ZC3H12D: variants seen among roughly 807,000 people sequenced by gnomAD.
The protein encoded by ZC3H12D is zinc finger CCCH-type containing 12D, also known as probable ribonuclease ZC3H12D.
A neutral mutation model predicts 24.2 loss-of-function variants in ZC3H12D; 11 were observed. That is an observed-to-expected ratio of 0.46 (90% CI 0.29 to 0.75). ZC3H12D has a LOEUF of 0.75. Ranked by LOEUF, ZC3H12D falls within the 30% of genes least tolerant of loss-of-function variation. The pLI, the probability that ZC3H12D is intolerant of heterozygous loss-of-function variation, is 0.11. For synonymous variants in ZC3H12D, 333 were observed against 341.8 expected, an observed-to-expected ratio of 0.97 and a Z score of 0.28; for missense variants, 740 against 767.7, an observed-to-expected ratio of 0.96 and a Z score of 0.43.
Position 149,461,918 on chromosome 6 carries a change from A to G in ZC3H12D, c.358T>C (p.Trp120Arg). Residue 120 changes from tryptophan to arginine, a missense_variant, in exon 3 of 6, where the codon TGG becomes CGG. Coordinates refer to ENST00000409806, the MANE Select transcript of ZC3H12D (RefSeq NM_207360.3). Reference sequence around the variant, plus strand: ...TAGGTGTGTCCTCTGTCCCTGAACCAGTCAACAGCCAGCTTGATTCCCCGG... The same window carrying G: ...TAGGTGTGTCCTCTGTCCCTGAACCGGTCAACAGCCAGCTTGATTCCCCGG... ...SCRGIKLAVD[W>R]FRDRGHTYIK... 4 of 1,611,388 alleles carry G rather than the reference A, an allele frequency of 2.5e-6. No homozygotes were observed. The highest frequency in any genetic ancestry group is 3.4e-6 in the Non-Finnish European group (4 of 1,178,914).
At chr6:149,470,365 A>G (rs1279105217) in intron 2 of ZC3H12D, among the ~76,000 whole-genome samples, 1 of 151,918 alleles carries the variant, frequency 6.6e-6, no homozygotes, top group Non-Finnish European at 1.5e-5. Context: ...CTCAAAACAA[A>G]CAAACAAAAA....
intron 1 of ZC3H12D, among the ~76,000 whole-genome samples, chr6:149,475,146 G>A (rs1407145769): frequency 6.6e-6 from 1 of 152,074 alleles, no homozygotes; most frequent in African/African-American, 2.4e-5. Flanking sequence ...AACCCTGCAG[G>A]CACCTTGACC....
chr6:149,460,474 T>C (rs766589823), intron 3 of ZC3H12D, among the ~76,000 whole-genome samples: 2 of 152,202 alleles, frequency 1.3e-5, no homozygotes, highest in Admixed American at 6.5e-5. Flanking sequence ...GGCAGAGGGA[T>C]GGCTTGCGTC....
chr6:149,452,503 T>G lies in ZC3H12D; in HGVS notation c.787+113A>C, dbSNP rs974074164. On this transcript the variant is annotated intron_variant, in intron 5 of 5. Coordinates refer to ENST00000409806, the MANE Select transcript of ZC3H12D (RefSeq NM_207360.3). The surrounding 1 kb of genome is among the most constrained non-coding windows in gnomAD (Gnocchi z 4.0). ...AGGTAGCACAGCTGGAGGGCAGAAC[T>G]TGGGCAAGAGCCCAGGCCGCTGAGC... The G allele has an allele frequency of 3.4e-6, 3 of 883,236 alleles. No individual in the cohort carries two copies. Among genetic ancestry groups the G allele is most frequent in the Admixed American group, 3.3e-5 (1 of 30,008 alleles). 54.7% of individuals were successfully genotyped at this position (883,236 alleles called of 1,614,324 possible). A position where few individuals can be genotyped will look rare whatever the true frequency, so the allele number is the denominator to read the frequency against.
Position 149,456,637 on chromosome 6 carries a change from C to CCCCCGG in ZC3H12D, c.680+28_680+29insCCGGGG. On this transcript the variant is annotated intron_variant, in intron 4 of 5. Coordinates refer to ENST00000409806, the MANE Select transcript of ZC3H12D (RefSeq NM_207360.3). The surrounding 1 kb of genome is among the most constrained non-coding windows in gnomAD (Gnocchi z 4.3). ...CCCGGCCCCCCGCCCCGCCGCCCCC[C>CCCCCGG]AGGGTGTCAGGACCCCAGCCGGACC... 6.4e-7 allele frequency: 1 copy of CCCCCGG among 1,554,910 alleles called. No individual in the cohort carries two copies. The highest frequency in any genetic ancestry group is 8.8e-7 in the Non-Finnish European group (1 of 1,130,050).
chr6:149,462,787 G>A (rs777909110), intron 2 of ZC3H12D, among the ~76,000 whole-genome samples: 8 of 152,162 alleles, frequency 5.3e-5, no homozygotes, highest in Non-Finnish European at 1.2e-4. Context: ...TCCTGCTCTT[G>A]AACATCAGAC....
At chr6:149,481,153 C>T (rs1776420448) in intron 1 of ZC3H12D, among the ~76,000 whole-genome samples, 1 of 151,850 alleles carries the variant, frequency 6.6e-6, no homozygotes, top group African/African-American at 2.4e-5. Context: ...GCAAACCCCA[C>T]AGCCACACCC....
chr6:149,475,727 A>AG (rs397721018), intron 1 of ZC3H12D, among the ~76,000 whole-genome samples: 6 of 150,136 alleles, frequency 4.0e-5, no homozygotes, highest in Middle Eastern at 3.4e-3. Context: ...AAAAAAAAAA[A>AG]GGGGCCTGCC....
chr6:149,462,105 G>A, intron 2 of ZC3H12D, 135 bp from the exon 3 acceptor site: 1 of 1,121,786 alleles, frequency 8.9e-7, no homozygotes, highest in South Asian at 1.6e-5. Flanking sequence ...CAGGAGTGGT[G>A]GCTCATGCCT....
rs114150641 is a variant in ZC3H12D, at chr6:149,474,555, C to T, written c.-12G>A. ...CTGGGGTGCTCCATGCTGTGCCCAGCGGCCACTGGCGCAGGTCCTGCCCCA... is the reference window on the plus strand; with the variant it reads ...CTGGGGTGCTCCATGCTGTGCCCAGTGGCCACTGGCGCAGGTCCTGCCCCA... On this transcript the variant is annotated 5_prime_UTR_variant, in exon 2 of 6. Coordinates refer to ENST00000409806, the MANE Select transcript of ZC3H12D (RefSeq NM_207360.3). 8.4e-4 allele frequency: 1,248 copies of T among 1,480,752 alleles called. 11 individuals carry two copies. In the African/African-American group the frequency reaches 0.014, roughly 17 times the overall value. 91.7% of individuals were successfully genotyped at this position (1,480,752 alleles called of 1,614,324 possible).
In ZC3H12D at chr6:149,456,893, G is replaced by GCC; in HGVS notation, c.452_453insGG (p.His151GlnfsTer35). Reference sequence around the variant, plus strand: ...CCTGCCGCTCCAGCTCCGCCAGCACGTGCTGCTCTGAGGGCGGGGCGACGG... The same window carrying GCC: ...CCTGCCGCTCCAGCTCCGCCAGCACGCCTGCTGCTCTGAGGGCGGGGCGACGG... On this transcript the variant is annotated frameshift_variant, in exon 4 of 6. Coordinates refer to ENST00000409806, the MANE Select transcript of ZC3H12D (RefSeq NM_207360.3). LOFTEE classifies it high-confidence loss of function. This position sits in a 1 kb window ranked among gnomAD's most constrained non-coding sequence, Gnocchi z 4.3. The GCC allele has an allele frequency of 1.3e-6, 2 of 1,599,496 alleles. No homozygotes were observed. Among genetic ancestry groups the GCC allele is most frequent in the Non-Finnish European group, 1.7e-6 (2 of 1,176,962 alleles).
intron 2 of ZC3H12D, among the ~76,000 whole-genome samples, chr6:149,463,705 C>T (rs371324457): frequency 3.9e-5 from 6 of 152,142 alleles, no homozygotes; most frequent in East Asian, 3.8e-4. Flanking sequence ...CAAAAATTGA[C>T]GGTGACTTGG....
intron 2 of ZC3H12D, 89 bp downstream of exon 2, chr6:149,474,150 G>T: frequency 1.6e-6 from 2 of 1,227,474 alleles, no homozygotes; most frequent in Non-Finnish European, 2.1e-6. Flanking sequence ...AAAGCTCTTT[G>T]GACCAAACCA....
At position 149,451,434 on chromosome 6, in the gene ZC3H12D, T is replaced by C. The variant is rs761728050; in HGVS notation, c.833A>G (p.Glu278Gly). 1.3e-6 allele frequency: 2 copies of C among 1,576,102 alleles called. No homozygotes were observed. Among genetic ancestry groups the C allele is most frequent in the Admixed American group, 3.4e-5 (2 of 58,878 alleles). The part of the protein sequence containing the change: ...YGIKCKFYHP[E>G]RPHHAQLAVA... ...CGCCAGTTGCGCGTGGTGCGGCCTCTCCGGGTGGTAGAACTTGCACTTGAT... is the reference window on the plus strand; with the variant it reads ...CGCCAGTTGCGCGTGGTGCGGCCTCCCCGGGTGGTAGAACTTGCACTTGAT... Residue 278 changes from glutamate (E) to glycine (G), a missense_variant, in exon 6 of 6, where the codon GAG becomes GGG. Glu to Gly is a moderately conservative substitution (Grantham distance 98). Transcript: ENST00000409806.
In ZC3H12D at chr6:149,482,412, G is replaced by A. The variant is rs150196435; in HGVS notation, c.-71+2401C>T. On this transcript the variant is annotated intron_variant, in intron 1 of 5. Coordinates refer to ENST00000409806, the MANE Select transcript of ZC3H12D (RefSeq NM_207360.3). ...GACTTCATTTCAGTTTCCTTCCTCC[G>A]TCCTGACTGGAAGTCACACTCTGTC... Among the ~76,000 whole-genome samples the A allele has an allele frequency of 5.9e-5, 9 of 152,274 alleles. No individual in the cohort carries two copies. The East Asian group carries it at 1.4e-3, about 23-fold the overall frequency.
chr6:149,472,561 G>C (rs1021591509), intron 2 of ZC3H12D, among the ~76,000 whole-genome samples: 1 of 139,620 alleles, frequency 7.2e-6, no homozygotes, highest in South Asian at 2.6e-4. Context: ...GCAGAGGTGG[G>C]GGATCAATGG....
At chr6:149,473,887 GC>G (rs1776287639) in intron 2 of ZC3H12D, among the ~76,000 whole-genome samples, 4 of 152,120 alleles carry the variant, frequency 2.6e-5, no homozygotes, top group Admixed American at 2.6e-4. Flanking sequence ...GACCCAGGGC[GC>G]CTCCCTCATT....
intron 2 of ZC3H12D, among the ~76,000 whole-genome samples, chr6:149,466,437 C>T (rs953413772): frequency 1.3e-5 from 2 of 151,910 alleles, no homozygotes; most frequent in African/African-American, 2.4e-5. Context: ...AAATGAGGTC[C>T]GTTTTCTGTG....
chr6:149,473,617 C>A (rs1181642268), intron 2 of ZC3H12D, among the ~76,000 whole-genome samples: 1 of 152,174 alleles, frequency 6.6e-6, no homozygotes, highest in Non-Finnish European at 1.5e-5. Context: ...TTCACACAGC[C>A]GCATCTGCAG....
Sources: gnomAD v4.1 joint callset for allele counts (sites outside exome capture counted in the v4.1 genomes callset) on GRCh38, gnomAD v4.1.1 for gene constraint, Gnocchi (gnomAD v3.1) non-coding constraint, MANE v1.5 for transcripts, NCBI Gene and HGNC (gene_info 2026-07-23, HGNC 2026-07-21) for gene names.